DMD: variants seen among roughly 807,000 people sequenced by gnomAD.
The protein encoded by DMD is mutant dystrophin.
DMD carries 63 observed loss-of-function variants against 330.1 expected under a neutral mutation model. That is an observed-to-expected ratio of 0.19 (90% confidence interval 0.16 to 0.24). DMD has a LOEUF of 0.24. Among genes scored for constraint, DMD ranks in the 10% least tolerant of loss-of-function variants. The pLI is 1.00. For synonymous variants in DMD, 1,223 were observed against 959.8 expected (o/e 1.27, Z -5.07); for missense variants, 3,344 against 2,684.1 (o/e 1.25, Z -5.43).
intron 2 of DMD, among the ~76,000 whole-genome samples, chrX:32,975,595 T>G (rs2092527071): frequency 9.0e-6 from 1 of 110,832 alleles, no homozygotes; most frequent in South Asian, 3.8e-4. Context: ...CATGGCCTTT[T>G]GGCATCTGAG....
intron 67 of DMD, among the ~76,000 whole-genome samples, chrX:31,195,201 A>C (rs935877447): frequency 8.9e-6 from 1 of 111,827 alleles, no homozygotes; most frequent in African/African-American, 3.3e-5. Context: ...TCACCCATTA[A>C]AGATAAAATC....
At chrX:32,214,502 TAAGGA>T (rs2097105437) in intron 44 of DMD, among the ~76,000 whole-genome samples, 1 of 111,636 alleles carries the variant, frequency 9.0e-6, no homozygotes, top group African/African-American at 3.3e-5. Context: ...CACTCAAAGC[TAAGGA>T]AAGAACTTCA....
At chrX:32,889,867 C>G (rs1448354071) in intron 2 of DMD, among the ~76,000 whole-genome samples, 2 of 111,326 alleles carry the variant, frequency 1.8e-5, no homozygotes, top group Non-Finnish European at 3.8e-5. Flanking sequence ...GTTTGGTGGT[C>G]TCTTCACTCG....
intron 1 of DMD, among the ~76,000 whole-genome samples, chrX:33,025,630 G>T (rs769690317): frequency 8.9e-6 from 1 of 111,985 alleles, no homozygotes; most frequent in Non-Finnish European, 1.9e-5. Flanking sequence ...ACAGCTCACT[G>T]TAACTTCAGA....
At chrX:33,258,388 T>C (rs183332336) in intron 1 of DMD, among the ~76,000 whole-genome samples, 1 of 111,498 alleles carries the variant, frequency 9.0e-6, no homozygotes, top group African/African-American at 3.2e-5. Context: ...TGAAAAATAC[T>C]TGCACTGAAA....
At chrX:33,292,588 T>C (rs1313405153) in intron 1 of DMD, among the ~76,000 whole-genome samples, 2 of 110,082 alleles carry the variant, frequency 1.8e-5, no homozygotes, top group Non-Finnish European at 3.8e-5. Context: ...TACAAAAAAA[T>C]AGTAGGATAC....
chrX:32,214,224 TAA>T (rs200083093), intron 44 of DMD, among the ~76,000 whole-genome samples: 1,331 of 88,924 alleles, frequency 0.015, 36 homozygotes, highest in African/African-American at 0.054. Context: ...CTGAAACACT[TAA>T]AAAAAAAAAA....
intron 55 of DMD, among the ~76,000 whole-genome samples, chrX:31,585,783 T>C (rs1271984520): frequency 8.9e-6 from 1 of 111,734 alleles, no homozygotes; most frequent in African/African-American, 3.3e-5. Flanking sequence ...AACAATAGTA[T>C]CCCCTGGGAA....
intron 1 of DMD, among the ~76,000 whole-genome samples, chrX:33,206,694 C>G (rs752067684): frequency 9.0e-6 from 1 of 110,592 alleles, no homozygotes; most frequent in African/African-American, 3.3e-5. Context: ...GTATTTTGAA[C>G]GAGTGATATC....
chrX:33,093,923 T>C (rs1360545206), intron 1 of DMD, among the ~76,000 whole-genome samples: 1 of 111,809 alleles, frequency 8.9e-6, no homozygotes, highest in African/African-American at 3.2e-5. Flanking sequence ...AGATTTTAAA[T>C]ACTATGTTGA....
chrX:31,944,882 C>T (rs1004738932), intron 45 of DMD, among the ~76,000 whole-genome samples: 1 of 110,602 alleles, frequency 9.0e-6, no homozygotes, highest in African/African-American at 3.3e-5. Flanking sequence ...TCATGCATGC[C>T]GAGTTTGTCA....
At chrX:32,117,221 T>C in intron 44 of DMD, among the ~76,000 whole-genome samples, 1 of 109,554 alleles carries the variant, frequency 9.1e-6, no homozygotes, top group African/African-American at 3.3e-5. Flanking sequence ...AGCTGTCACA[T>C]GGAGAAATGG....
intron 44 of DMD, among the ~76,000 whole-genome samples, chrX:31,980,659 C>G (rs2095470104): frequency 9.0e-6 from 1 of 111,374 alleles, no homozygotes; most frequent in Non-Finnish European, 1.9e-5. Context: ...AACTTATACA[C>G]CTGCCACAGT....
At chrX:32,812,879 C>A (rs939244856) in intron 6 of DMD, among the ~76,000 whole-genome samples, 1 of 111,384 alleles carries the variant, frequency 9.0e-6, no homozygotes, top group Non-Finnish European at 1.9e-5. Flanking sequence ...GTTCACTATG[C>A]GCACTCTGCC....
At chrX:32,983,217 T>A in intron 2 of DMD, among the ~76,000 whole-genome samples, 1 of 110,677 alleles carries the variant, frequency 9.0e-6, no homozygotes, top group East Asian at 2.9e-4. Flanking sequence ...TCCTAGTGAC[T>A]CCCCTAGAGA....
At chrX:31,347,022 A>AAAAAAAAAAAAAC (rs2058122933) in intron 61 of DMD, among the ~76,000 whole-genome samples, 1 of 76,578 alleles carries the variant, frequency 1.3e-5, no homozygotes, top group Non-Finnish European at 2.7e-5. Context: ...AAAAAAAAAA[A>AAAAAAAAAAAAAC]AAAAAAAAAA....
chrX:32,857,355 G>C (rs1224678269), intron 2 of DMD, among the ~76,000 whole-genome samples: 1 of 111,965 alleles, frequency 8.9e-6, no homozygotes, highest in African/African-American at 3.2e-5. Flanking sequence ...CTTTCTAATA[G>C]TGCTGCCAAG....
intron 55 of DMD, among the ~76,000 whole-genome samples, chrX:31,591,400 G>A (rs1479946464): frequency 9.0e-6 from 1 of 111,424 alleles, no homozygotes; most frequent in Non-Finnish European, 1.9e-5. Context: ...GAGAGATCCT[G>A]TGGTGTGAGC....
At chrX:31,932,700 C>T (rs1213263725) in intron 45 of DMD, among the ~76,000 whole-genome samples, 1 of 111,967 alleles carries the variant, frequency 8.9e-6, no homozygotes, top group Non-Finnish European at 1.9e-5. Context: ...AAGCCGAGAT[C>T]GTGCCACTGC....
Sources: gnomAD v4.1 joint callset for allele counts (sites outside exome capture counted in the v4.1 genomes callset) on GRCh38, gnomAD v4.1.1 for gene constraint, MANE v1.5 for transcripts, NCBI Gene and HGNC (gene_info 2026-07-23, HGNC 2026-07-21) for gene names.